FAM114A1: variants seen among roughly 807,000 people sequenced by gnomAD.
FAM114A1 encodes the protein family with sequence similarity 114 member A1, also known as protein NOXP20.
Under a neutral mutation model 64.3 loss-of-function variants are expected in FAM114A1, and 62 were observed. The ratio of observed to expected loss-of-function variants is 0.96; its 90% CI spans 0.79 to 1.19. FAM114A1 has a LOEUF of 1.19. Ranked by LOEUF, FAM114A1 falls within the 50% of genes most tolerant of loss-of-function variation. FAM114A1 has a pLI of 0.00. For synonymous variants in FAM114A1, 254 were observed against 251.1 expected, an observed-to-expected ratio of 1.01 and a Z score of -0.11; for missense variants, 645 against 676.3, an observed-to-expected ratio of 0.95 and a Z score of 0.51.
intron 8 of FAM114A1, among the ~76,000 whole-genome samples, chr4:38,915,643 C>T (rs1010012194): frequency 9.9e-5 from 15 of 151,966 alleles, no homozygotes; most frequent in Admixed American, 6.6e-5. Context: ...ACCCAATGGC[C>T]CTGCACATTC....
chr4:38,934,744 G>A (rs1410749145), intron 12 of FAM114A1, among the ~76,000 whole-genome samples: 2 of 152,040 alleles, frequency 1.3e-5, no homozygotes, highest in Admixed American at 6.6e-5. Context: ...TTCTAGAAGT[G>A]GAATGCCAGC....
intron 9 of FAM114A1, among the ~76,000 whole-genome samples, chr4:38,927,876 G>T (rs1720278094): frequency 6.6e-6 from 1 of 152,082 alleles, no homozygotes; most frequent in African/African-American, 2.4e-5. Context: ...TAGAGACGGG[G>T]TTTCACCATC....
At chr4:38,917,149 CAAATAAATAAATAAAT>C (rs55953630) in intron 8 of FAM114A1, among the ~76,000 whole-genome samples, 9,294 of 143,088 alleles carry the variant, frequency 0.065, 764 homozygotes, top group African/African-American at 0.19. Flanking sequence ...ACTAAAAATA[CAAATAAATAAATAAAT>C]AAATAAATAA....
At chr4:38,935,194 C>T (rs949611237) in intron 12 of FAM114A1, among the ~76,000 whole-genome samples, 3 of 152,152 alleles carry the variant, frequency 2.0e-5, no homozygotes, top group African/African-American at 7.2e-5. Context: ...AGATTACAGG[C>T]GTGAGCCACT....
At chr4:38,903,092 C>CA (rs1717664725) in intron 4 of FAM114A1, among the ~76,000 whole-genome samples, 2 of 151,728 alleles carry the variant, frequency 1.3e-5, no homozygotes, top group South Asian at 2.1e-4. Flanking sequence ...CTTTCCCTAA[C>CA]AAAAAATTCA....
chr4:38,894,646 G>C (rs1716738891), intron 4 of FAM114A1, among the ~76,000 whole-genome samples: 1 of 152,202 alleles, frequency 6.6e-6, no homozygotes, highest in Non-Finnish European at 1.5e-5. Context: ...AATTCAATGG[G>C]CGAGCTGTCA....
intron 4 of FAM114A1, among the ~76,000 whole-genome samples, chr4:38,904,600 C>T (rs562452215): frequency 5.5e-4 from 83 of 152,290 alleles, no homozygotes; most frequent in Middle Eastern, 3.4e-3. Context: ...TGTTGGGTGG[C>T]CTTCCTGGTT....
intron 3 of FAM114A1, among the ~76,000 whole-genome samples, chr4:38,879,849 T>TG (rs1715031199): frequency 6.6e-6 from 1 of 151,992 alleles, no homozygotes; most frequent in East Asian, 1.9e-4. Flanking sequence ...TACCAACCAC[T>TG]GGGGGAGATT....
intron 4 of FAM114A1, among the ~76,000 whole-genome samples, chr4:38,895,865 A>G (rs1214659132): frequency 1.3e-5 from 2 of 152,216 alleles, no homozygotes; most frequent in Non-Finnish European, 2.9e-5. Context: ...CACACATCTA[A>G]ACATAGAAAA....
At chr4:38,872,345 A>G (rs1714161248) in intron 2 of FAM114A1, among the ~76,000 whole-genome samples, 1 of 152,242 alleles carries the variant, frequency 6.6e-6, no homozygotes, top group African/African-American at 2.4e-5. Context: ...CATGAACAAG[A>G]TAACAACACA....
chr4:38,944,716 C>T lies in FAM114A1; in HGVS notation c.*1159C>T, dbSNP rs1006467690. ...CGAACCCTGTTGTGAACTGCACATG[C>T]GAGGGATCTAGGTTGTGCACTCCTT... On this transcript the variant is annotated 3_prime_UTR_variant, in exon 15 of 15. Transcript: ENST00000358869. The T allele has an allele frequency of 6.6e-6, 1 of 152,136 alleles. No homozygotes were observed. The highest frequency in any genetic ancestry group is 1.9e-4 in the East Asian group (1 of 5,186). The allele number at this position is 152,136 out of a possible 1,614,324, so 9.4% of individuals were successfully genotyped here.
At chr4:38,888,928 A>G (rs958155521) in intron 3 of FAM114A1, among the ~76,000 whole-genome samples, 3 of 152,204 alleles carry the variant, frequency 2.0e-5, no homozygotes, top group African/African-American at 7.2e-5. Context: ...TTCATGCTTA[A>G]CATTTTTTAT....
rs575787072 is a variant in FAM114A1 at position 38,924,510 on chromosome 4, C to T, written c.1069+1617C>T. Among the ~76,000 whole-genome samples, 20 of 152,294 alleles carry T rather than the reference C, an allele frequency of 1.3e-4. No homozygotes were observed. In the East Asian group the frequency reaches 3.3e-3, roughly 25 times the overall value. On this transcript the variant is annotated intron_variant, in intron 9 of 14. Transcript: ENST00000358869. ...TCAGGGCGAAATTATTCTAGGCATT[C>T]AGAAACTGTCATTTAGACACCCTTT... is the stretch of plus-strand genomic sequence containing the variant.
At chr4:38,907,718 A>G (rs1189614738) in intron 6 of FAM114A1, among the ~76,000 whole-genome samples, 2 of 152,222 alleles carry the variant, frequency 1.3e-5, no homozygotes, top group Non-Finnish European at 2.9e-5. Context: ...GAAGATTGGA[A>G]AATGCATATC....
intron 4 of FAM114A1, among the ~76,000 whole-genome samples, 194 bp from the exon 5 acceptor site, chr4:38,905,328 G>T (rs1332099349): frequency 6.6e-6 from 1 of 151,996 alleles, no homozygotes; most frequent in African/African-American, 2.4e-5. Context: ...GAACTCGGGA[G>T]GCGGAGGTTG....
At chr4:38,902,383 G>A (rs1717599855) in intron 4 of FAM114A1, among the ~76,000 whole-genome samples, 1 of 152,172 alleles carries the variant, frequency 6.6e-6, no homozygotes, top group Non-Finnish European at 1.5e-5. Context: ...AAAACTCTGA[G>A]AGGTAATCCT....
rs1255932256 is a variant in FAM114A1, at chr4:38,943,191, C to CAA, written c.1591-245_1591-244dup. On this transcript the variant is annotated intron_variant, in intron 14 of 14. Transcript: ENST00000358869. ...CTGACGTCAGAGCAAGACTCTGTCT[C>CAA]AAAAAAAAAAAAAAAAAAAAATTCC... Among the ~76,000 whole-genome samples, 881 of 88,770 alleles carry CAA rather than the reference C, an allele frequency of 9.9e-3. 10 individuals carry two copies. The highest frequency in any genetic ancestry group is 0.029 in the African/African-American group (645 of 22,356). The allele number at this position is 88,770 out of a possible 152,430, so 58.2% of individuals were successfully genotyped here.
chr4:38,881,222 T>C (rs1247813440), intron 3 of FAM114A1, among the ~76,000 whole-genome samples: 1 of 151,648 alleles, frequency 6.6e-6, no homozygotes, highest in East Asian at 1.9e-4. Context: ...AAAATCAGTA[T>C]GCTTCTACCA....
rs543114574 is a variant in FAM114A1 at position 38,905,768 on chromosome 4, C to T, written c.564C>T (p.Ala188=). Residue 188 remains alanine (A), a synonymous_variant, in exon 6 of 15, where the codon GCC becomes GCT. Coordinates refer to ENST00000358869, the MANE Select transcript of FAM114A1 (RefSeq NM_138389.4). The part of the protein sequence containing the change: ...ENGVPEITDA[A]TDQGPAESPP... ...TTTTCTCTTTAGTAACAGATGCAGC[C>T]ACAGATCAGGGCCCTGCAGAAAGCC... is the stretch of plus-strand genomic sequence containing the variant. The T allele has an allele frequency of 4.3e-6, 7 of 1,612,874 alleles. No homozygotes were observed. Among genetic ancestry groups the T allele is most frequent in the African/African-American group, 1.3e-5 (1 of 74,758 alleles).
Sources: gnomAD v4.1 joint callset for allele counts (sites outside exome capture counted in the v4.1 genomes callset) on GRCh38, gnomAD v4.1.1 for gene constraint, MANE v1.5 for transcripts, NCBI Gene and HGNC (gene_info 2026-07-23, HGNC 2026-07-21) for gene names.